ETV1: variants seen among roughly 807,000 people sequenced by gnomAD.
The protein encoded by ETV1 is ETS variant transcription factor 1.
A neutral mutation model predicts 62.3 loss-of-function variants in ETV1; 27 were observed. That is an observed-to-expected ratio of 0.43 (90% confidence interval 0.32 to 0.60). The LOEUF is 0.60. Among genes scored for constraint, ETV1 ranks in the 20% least tolerant of loss-of-function variants. ETV1 has a pLI of 0.06. For missense variants in ETV1, 605 were observed against 605.8 expected (o/e 1.00, Z 0.01); for synonymous variants, 222 against 199.6 (o/e 1.11, Z -0.94).
At chr7:13,897,211 G>A (rs558629971) in intron 13 of ETV1, among the ~76,000 whole-genome samples, 75 of 152,228 alleles carry the variant, frequency 4.9e-4, no homozygotes, top group Non-Finnish European at 7.4e-4. Context: ...CTTTGTATGG[G>A]TGTGTGTAAA....
At chr7:13,958,866 G>A (rs1261455840) in intron 6 of ETV1, 4 of 152,184 alleles carry the variant, frequency 2.6e-5, no homozygotes, top group Non-Finnish European at 5.9e-5. Context: ...CACATCGTGA[G>A]CATTACACAA....
chr7:13,942,167 G>A (rs1416881459), intron 6 of ETV1, among the ~76,000 whole-genome samples: 1 of 151,612 alleles, frequency 6.6e-6, no homozygotes, highest in Non-Finnish European at 1.5e-5. Context: ...GGGACTACAG[G>A]CGCCCGCCAC....
chr7:13,909,701 C>T lies in ETV1; in HGVS notation c.872-1G>A. 1 of 1,610,176 alleles carries T rather than the reference C, an allele frequency of 6.2e-7. No individual in the cohort carries two copies. Among genetic ancestry groups the T allele is most frequent in the African/African-American group, 1.3e-5 (1 of 74,908 alleles). ...CTGGGGCCCTTTTCAAACATACAGC[C>T]TGTGGATGAAAAAGGAATACATTTA... On this transcript the variant is annotated splice_acceptor_variant, in intron 10 of 13. Transcript: ENST00000430479. LOFTEE classifies it high-confidence loss of function.
chr7:13,906,619 A>G lies in ETV1; in HGVS notation c.941-20T>C. ...TGTCTCCTAAATTAAAACATTTTTA[A>G]GTTTCTATTATTAGCAATACTATGC... is the stretch of plus-strand genomic sequence containing the variant. On this transcript the variant is annotated intron_variant, in intron 11 of 13. Transcript: ENST00000430479. The G allele has an allele frequency of 6.4e-7, 1 of 1,558,016 alleles. No homozygotes were observed. The highest frequency in any genetic ancestry group is 8.7e-7 in the Non-Finnish European group (1 of 1,150,366).
intron 7 of ETV1, among the ~76,000 whole-genome samples, chr7:13,936,982 C>T (rs1440513760): frequency 6.6e-6 from 1 of 152,050 alleles, no homozygotes; most frequent in Non-Finnish European, 1.5e-5. Context: ...GCAGAGGTTG[C>T]AGTGAGCCCA....
In ETV1 at chr7:13,988,124, C is replaced by A; in HGVS notation, c.95G>T (p.Arg32Ile). ...AGCCAGATCTCTGTTAATGAATTTT[C>A]TTTTCCTGACATTTGTTGGTTTCTC... ...CNEKPTNVRK[R>I]KFINRDLAHD... Residue 32 changes from arginine to isoleucine, a missense_variant, in exon 4 of 14, where the codon AGA (arginine) becomes ATA (isoleucine). Around this residue, in one of 3 missense-constraint regions of ETV1, gnomAD observed 426 missense variants for 377.8 expected, o/e 1.13. Transcript: ENST00000430479. The A allele has an allele frequency of 6.2e-7, 1 of 1,613,166 alleles. No individual in the cohort carries two copies. Among genetic ancestry groups the A allele is most frequent in the Non-Finnish European group, 8.5e-7 (1 of 1,179,220 alleles).
At chr7:13,968,610 A>G (rs1234052046) in intron 6 of ETV1, among the ~76,000 whole-genome samples, 1 of 151,768 alleles carries the variant, frequency 6.6e-6, no homozygotes, top group Non-Finnish European at 1.5e-5. Context: ...CCTACTTCCT[A>G]TAAGGGAAAG....
chr7:13,988,649 A>G, intron 3 of ETV1: 1 of 1,574,572 alleles, frequency 6.4e-7, no homozygotes, highest in Non-Finnish European at 8.6e-7. Context: ...AACACCCCAT[A>G]TAAACAAAAA....
intron 5 of ETV1, among the ~76,000 whole-genome samples, chr7:13,981,708 T>G (rs4721292): frequency 0.57 from 86,494 of 151,218 alleles, 25,025 homozygotes; most frequent in African/African-American, 0.64. Flanking sequence ...TATTTTTCTT[T>G]TCTATTATCC....
intron 9 of ETV1, among the ~76,000 whole-genome samples, chr7:13,925,781 C>G (rs540271473): frequency 6.6e-6 from 1 of 151,824 alleles, no homozygotes; most frequent in Non-Finnish European, 1.5e-5. Flanking sequence ...TGGTCTTGAT[C>G]TCCTGACCTC....
chr7:13,933,629 A>C (rs1369435895), intron 8 of ETV1, among the ~76,000 whole-genome samples: 1 of 152,184 alleles, frequency 6.6e-6, no homozygotes, highest in Non-Finnish European at 1.5e-5. Flanking sequence ...TTTTGGGGAA[A>C]GGATCTGTTC....
At chr7:13,969,833 A>G (rs1453558864) in intron 6 of ETV1, among the ~76,000 whole-genome samples, 1 of 152,238 alleles carries the variant, frequency 6.6e-6, no homozygotes, top group African/African-American at 2.4e-5. Flanking sequence ...CAGTACAAGC[A>G]TATTATTTAG....
At chr7:13,986,737 C>A in intron 4 of ETV1, 52 bp from the exon 5 acceptor site, 2 of 1,217,064 alleles carry the variant, frequency 1.6e-6, no homozygotes, top group East Asian at 2.4e-5. Flanking sequence ...CTTTAATCTT[C>A]ATTAAATGGA....
intron 9 of ETV1, among the ~76,000 whole-genome samples, chr7:13,924,225 T>C (rs1169739186): frequency 2.6e-5 from 4 of 152,052 alleles, no homozygotes; most frequent in Non-Finnish European, 5.9e-5. Context: ...CACTGAGCCA[T>C]CAAGGGCATT....
rs1055479102 is a variant in ETV1, at chr7:13,892,389, T to C, written c.*3477A>G. On this transcript the variant is annotated 3_prime_UTR_variant, in exon 14 of 14. Transcript: ENST00000430479. ...TTAATATAGAAAGTTTTCAAAATTA[T>C]TTATGCAGAATAAGGGGAAAATATC... 1.3e-5 allele frequency: 3 copies of C among 232,554 alleles called. No homozygotes were observed. Among genetic ancestry groups the C allele is most frequent in the Non-Finnish European group, 2.5e-5 (3 of 117,726 alleles). The allele number at this position is 232,554 out of a possible 1,614,324, so 14.4% of individuals were successfully genotyped here. A position where few individuals can be genotyped will look rare whatever the true frequency, so the allele number is the denominator to read the frequency against.
At chr7:13,919,475 GT>G (rs11399164) in intron 9 of ETV1, among the ~76,000 whole-genome samples, 1,915 of 134,724 alleles carry the variant, frequency 0.014, 37 homozygotes, top group African/African-American at 0.044. Context: ...TGTTCTTTTG[GT>G]TTTTTTTTTT....
intron 9 of ETV1, among the ~76,000 whole-genome samples, chr7:13,918,391 G>GT (rs1784432664): frequency 1.3e-5 from 2 of 152,132 alleles, no homozygotes; most frequent in Admixed American, 6.5e-5. Context: ...AGCACCTGTT[G>GT]TTTCCTATAA....
chr7:13,986,367 T>G, intron 5 of ETV1: 2 of 1,488,230 alleles, frequency 1.3e-6, no homozygotes, highest in East Asian at 2.5e-5. Context: ...GGCTTAGAAC[T>G]TGAAGTCTTG....
intron 4 of ETV1, among the ~76,000 whole-genome samples, chr7:13,987,557 G>T (rs774144844): frequency 2.0e-5 from 3 of 152,100 alleles, no homozygotes; most frequent in African/African-American, 4.8e-5. Flanking sequence ...GTATGATTCA[G>T]TGAACACATT....
Sources: allele counts gnomAD v4.1 joint callset (sites outside exome capture counted in the v4.1 genomes callset), GRCh38; gene constraint gnomAD v4.1.1; regional missense constraint gnomAD v4.1.1; transcripts MANE v1.5; gene names NCBI Gene and HGNC (gene_info 2026-07-23, HGNC 2026-07-21).